Variants in ZNF723 observed in about 807,000 individuals in gnomAD.
ZNF723 encodes the protein zinc finger protein 723.
A neutral mutation model predicts 9.4 loss-of-function variants in ZNF723; 5 were observed. That is an observed-to-expected ratio of 0.53 (90% CI 0.28 to 1.12). The LOEUF is 1.12. ZNF723 is among the 50% of genes most tolerant of loss of function. The pLI is 0.10. For synonymous variants in ZNF723, 158 were observed against 168.8 expected (o/e 0.94, Z 0.49); for missense variants, 450 against 501.5 (o/e 0.90, Z 0.98).
intron 1 of ZNF723, among the ~76,000 whole-genome samples, chr19:22,833,985 G>A (rs1375302013): frequency 1.5e-5 from 2 of 134,272 alleles, no homozygotes; most frequent in Non-Finnish European, 3.1e-5. Flanking sequence ...GGAGTACTGT[G>A]GCTCACCGCA....
chr19:22,827,593 A>G (rs1967051023), upstream of ZNF723, among the ~76,000 whole-genome samples: 1 of 151,960 alleles, frequency 6.6e-6, no homozygotes, highest in African/African-American at 2.4e-5. Flanking sequence ...GATTATAGGT[A>G]CGCATTACTG....
Position 22,857,686 on chromosome 19 carries a change from C to G in ZNF723, c.795C>G (p.Thr265=). 5 of 1,267,606 alleles carry G rather than the reference C, an allele frequency of 3.9e-6. No homozygotes were observed. The highest frequency in any genetic ancestry group is 5.8e-6 in the Non-Finnish European group (5 of 865,804). 78.5% of individuals were successfully genotyped at this position (1,267,606 alleles called of 1,614,324 possible). A position where few individuals can be genotyped will look rare whatever the true frequency, so the allele number is the denominator to read the frequency against. ...ACAAATGTGAAGAATGTGGCAAAAC[C>G]TTTAATATGTTCTCAAGCCTTAATA... The part of the protein sequence containing the change: ...KPYKCEECGK[T]FNMFSSLNNH... The change falls in exon 4 of 4, where the codon ACC becomes ACG. Residue 265 remains threonine, a synonymous_variant. Coordinates refer to ENST00000600766, the MANE Select transcript of ZNF723 (RefSeq NM_001349726.2).
At chr19:22,838,520 C>T (rs1237536644) in intron 1 of ZNF723, among the ~76,000 whole-genome samples, 2 of 151,950 alleles carry the variant, frequency 1.3e-5, no homozygotes, top group East Asian at 1.9e-4. Context: ...CCATTGCATT[C>T]CAGCCCGGTC....
intron 3 of ZNF723, among the ~76,000 whole-genome samples, chr19:22,851,447 C>T (rs1473907249): frequency 6.6e-6 from 1 of 152,144 alleles, no homozygotes; most frequent in Non-Finnish European, 1.5e-5. Flanking sequence ...GCTGGGATTA[C>T]AGGCGTGAGG....
intron 3 of ZNF723, among the ~76,000 whole-genome samples, chr19:22,850,111 G>GTT (rs11451632): frequency 2.2e-4 from 32 of 145,942 alleles, no homozygotes; most frequent in African/African-American, 3.2e-4. Context: ...CTCCTGGTTT[G>GTT]TTTTTTTTTT....
chr19:22,833,579 G>C (rs927445178), intron 1 of ZNF723, among the ~76,000 whole-genome samples: 2 of 151,924 alleles, frequency 1.3e-5, no homozygotes, highest in African/African-American at 4.8e-5. Flanking sequence ...AATTCCAAAC[G>C]CTAACTTTTC....
chr19:22,814,120 A>T, the ZNF723 span, among the ~76,000 whole-genome samples: 1 of 152,108 alleles, frequency 6.6e-6, no homozygotes, highest in Non-Finnish European at 1.5e-5. Context: ...CCAGCAAAAC[A>T]TTTTTAAATG....
the ZNF723 span, among the ~76,000 whole-genome samples, chr19:22,816,740 C>T: frequency 6.6e-6 from 1 of 152,232 alleles, no homozygotes; most frequent in African/African-American, 2.4e-5. Context: ...TTTGACATAT[C>T]ACTGCTCCTT....
the ZNF723 span, among the ~76,000 whole-genome samples, chr19:22,812,833 A>G: frequency 6.6e-6 from 1 of 152,188 alleles, no homozygotes; most frequent in Non-Finnish European, 1.5e-5. Context: ...CACACCTGTG[A>G]GTCTGTGACT....
intron 1 of ZNF723, among the ~76,000 whole-genome samples, chr19:22,841,697 C>G (rs1251631767): frequency 6.6e-6 from 1 of 152,012 alleles, no homozygotes; most frequent in Non-Finnish European, 1.5e-5. Context: ...GTCTTCAGAC[C>G]TGAAACTGAT....
In ZNF723 at chr19:22,848,248, GT is replaced by G. The variant is rs991686860; in HGVS notation, c.4-4del. 7.9e-5 allele frequency: 73 copies of G among 929,762 alleles called. No homozygotes were observed. The highest frequency in any genetic ancestry group is 1.2e-4 in the Admixed American group (5 of 43,124). 57.6% of individuals were successfully genotyped at this position (929,762 alleles called of 1,614,324 possible). On this transcript the variant is annotated splice_polypyrimidine_tract_variant and intron_variant, in intron 1 of 3. Coordinates refer to ENST00000600766, the MANE Select transcript of ZNF723 (RefSeq NM_001349726.2). ...TAAATATGTGTGTATGTGTGTGTGT[GT>G]TTTTTTTTCAGGGACCATTGACATT...
At chr19:22,830,520 AATCT>A (rs1466982860), upstream of ZNF723, among the ~76,000 whole-genome samples, 4 of 118,254 alleles carry the variant, frequency 3.4e-5, no homozygotes, top group Admixed American at 3.1e-4. Flanking sequence ...CACAGGCACA[AATCT>A]AAAAAAAAAA....
At chr19:22,832,594 C>T (rs1311690138) in intron 1 of ZNF723, among the ~76,000 whole-genome samples, 1 of 152,164 alleles carries the variant, frequency 6.6e-6, no homozygotes, top group East Asian at 1.9e-4. Context: ...CTGGCAGTGA[C>T]CGTGCCCTGG....
Position 22,857,992 on chromosome 19 carries a change from AC to A in ZNF723, c.1104del (p.Tyr369ThrfsTer49). ...ATAAGAGAATTCACACTGGAGAGAA[AC>A]CCTACAAATGTGAAGAATGTGGCAA... is the stretch of plus-strand genomic sequence containing the variant. ...THKRIHTGEK[P>X]YKCEECGKAF... is the part of the protein sequence containing the mutation. On this transcript the variant is annotated frameshift_variant, in exon 4 of 4. Transcript: ENST00000600766. LOFTEE classifies it low-confidence loss of function (END_TRUNC). 1 of 1,542,346 alleles carries A rather than the reference AC, an allele frequency of 6.5e-7. No individual in the cohort carries two copies. Among genetic ancestry groups the A allele is most frequent in the East Asian group, 2.2e-5 (1 of 44,468 alleles).
chr19:22,857,327 C>T lies in ZNF723; in HGVS notation c.436C>T (p.Gln146Ter), dbSNP rs1967493114. Residue 146 changes from glutamine to a stop codon, truncating the protein, a stop_gained, in exon 4 of 4, where the codon CAA (glutamine) becomes TAA (stop). Transcript: ENST00000600766. LOFTEE classifies it low-confidence loss of function (END_TRUNC). ...CLTTTPSKIF[Q>*]CDKYVKVFHK... Reference sequence around the variant, plus strand: ...GACAACTACCCCGAGCAAAATATTTCAATGTGATAAATATGTAAAAGTCTT... The same window carrying T: ...GACAACTACCCCGAGCAAAATATTTTAATGTGATAAATATGTAAAAGTCTT... 1.2e-6 allele frequency: 1 copy of T among 821,486 alleles called. No homozygotes were observed. The highest frequency in any genetic ancestry group is 1.7e-5 in the Admixed American group (1 of 57,620). 50.9% of individuals were successfully genotyped at this position (821,486 alleles called of 1,614,324 possible). A position where few individuals can be genotyped will look rare whatever the true frequency, so the allele number is the denominator to read the frequency against.
At chr19:22,848,628 G>A (rs190190956) in intron 2 of ZNF723, among the ~76,000 whole-genome samples, 212 of 152,124 alleles carry the variant, frequency 1.4e-3, no homozygotes, top group Non-Finnish European at 2.2e-3. Flanking sequence ...CACCATTAGC[G>A]ATCATTTCAA....
chr19:22,815,137 C>T, the ZNF723 span, among the ~76,000 whole-genome samples: 1 of 152,068 alleles, frequency 6.6e-6, no homozygotes, highest in East Asian at 1.9e-4. Context: ...TCACTGGGCC[C>T]AGAATCTAGG....
rs1046513326 is a variant in ZNF723 at position 22,849,114 on chromosome 19, G to T, written c.131-84G>T. 37 of 447,662 alleles carry T rather than the reference G, an allele frequency of 8.3e-5. No homozygotes were observed. In the Admixed American group the frequency reaches 9.6e-4, roughly 12 times the overall value. The allele number at this position is 447,662 out of a possible 1,614,324, so 27.7% of individuals were successfully genotyped here. A position where few individuals can be genotyped will look rare whatever the true frequency, so the allele number is the denominator to read the frequency against. On this transcript the variant is annotated intron_variant, in intron 2 of 3. Transcript: ENST00000600766. Reference sequence around the variant, plus strand: ...TTACTGTTTTGGGATGAATATACTAGAATATTCTATTATGTTCTCTTTACT... The same window carrying T: ...TTACTGTTTTGGGATGAATATACTATAATATTCTATTATGTTCTCTTTACT...
chr19:22,827,597 A>C (rs1967051171), upstream of ZNF723, among the ~76,000 whole-genome samples: 1 of 151,906 alleles, frequency 6.6e-6, no homozygotes, highest in Non-Finnish European at 1.5e-5. Context: ...ATAGGTACGC[A>C]TTACTGCACA....
Sources: allele counts gnomAD v4.1 joint callset (sites outside exome capture counted in the v4.1 genomes callset), GRCh38; gene constraint gnomAD v4.1.1; transcripts MANE v1.5; gene names NCBI Gene and HGNC (gene_info 2026-07-23, HGNC 2026-07-21).